ORM2: variants seen among roughly 807,000 people sequenced by gnomAD.
ORM2 encodes orosomucoid 2.
In ORM2, 19 loss-of-function variants were observed where a neutral mutation model predicts 26.8. The ratio of observed to expected loss-of-function variants is 0.71; its 90% CI spans 0.49 to 1.04. The LOEUF is 1.04. Ranked by LOEUF, ORM2 falls within the 50% of genes least tolerant of loss-of-function variation. ORM2 has a pLI of 0.00. For missense variants in ORM2, 259 were observed against 244.9 expected, an observed-to-expected ratio of 1.06 and a Z score of -0.39; for synonymous variants, 94 against 100.0, an observed-to-expected ratio of 0.94 and a Z score of 0.36.
chr9:114,330,411 A>G (rs1829831243), intron 1 of ORM2, 23 bp from the exon 2 acceptor site: 5 of 1,551,754 alleles, frequency 3.2e-6, no homozygotes, highest in Non-Finnish European at 4.4e-6. Flanking sequence ...AGCCCCCATC[A>G]CCAGCTCCCC....
intron 5 of ORM2, among the ~76,000 whole-genome samples, chr9:114,332,522 C>T (rs1447567560): frequency 1.3e-5 from 2 of 152,104 alleles, no homozygotes; most frequent in Non-Finnish European, 2.9e-5. Context: ...AAAATATATA[C>T]ATGCAGTACT....
chr9:114,330,861 C>G lies in ORM2; in HGVS notation c.327C>G (p.Tyr109Ter), dbSNP rs148334624. ...VQRENGTVSR[Y>*]EGGREHVAHL... ...GGGAGAATGGGACCGTCTCCAGATACGGTGAGGGCCAGCCCTCAGGCAGGA... is the reference window on the plus strand; with the variant it reads ...GGGAGAATGGGACCGTCTCCAGATAGGGTGAGGGCCAGCCCTCAGGCAGGA... Residue 109 changes from tyrosine (Y) to a stop codon, truncating the protein, a stop_gained and splice_region_variant, in exon 3 of 6, where the codon TAC becomes TAG. Coordinates refer to ENST00000431067, the MANE Select transcript of ORM2 (RefSeq NM_000608.4). LOFTEE classifies it high-confidence loss of function. 1 of 1,613,336 alleles carries G rather than the reference C, an allele frequency of 6.2e-7. No homozygotes were observed. Among genetic ancestry groups the G allele is most frequent in the Admixed American group, 1.7e-5 (1 of 60,020 alleles).
Position 114,329,992 on chromosome 9 carries a change from C to A in ORM2, c.88C>A (p.Pro30Thr). The change falls in exon 1 of 6, where the codon CCC becomes ACC. Residue 30 changes from proline (P) to threonine (T), a missense_variant. Physicochemically the swap from Pro to Thr is conservative, Grantham distance 38 (BLOSUM62 -1). Around this residue, in one of 2 missense-constraint regions of ORM2, gnomAD observed 251 missense variants for 220.5 expected, o/e 1.14. Coordinates refer to ENST00000431067, the MANE Select transcript of ORM2 (RefSeq NM_000608.4). ...ATTGTGTGCCAACCTAGTACCGGTG[C>A]CCATCACCAACGCCACCCTGGACCG... is the stretch of plus-strand genomic sequence containing the variant. ...IPLCANLVPVPITNATLDRIT... is the reference protein window; with the variant it reads ...IPLCANLVPVTITNATLDRIT... 6.3e-7 allele frequency: 1 copy of A among 1,579,282 alleles called. No homozygotes were observed. Among genetic ancestry groups the A allele is most frequent in the Non-Finnish European group, 8.6e-7 (1 of 1,163,910 alleles).
chr9:114,330,577 G>A lies in ORM2; in HGVS notation c.257+1G>A. ...TCTTTCTCAGAGAGTACCAGACCCG[G>A]TGAGAGCCCCCATTCCAATGCACCC... On this transcript the variant is annotated splice_donor_variant, in intron 2 of 5. Coordinates refer to ENST00000431067, the MANE Select transcript of ORM2 (RefSeq NM_000608.4). LOFTEE classifies it high-confidence loss of function. 6.2e-7 allele frequency: 1 copy of A among 1,612,926 alleles called. No homozygotes were observed. Among genetic ancestry groups the A allele is most frequent in the African/African-American group, 1.4e-5 (1 of 73,968 alleles).
chr9:114,330,454 T>C lies in ORM2; in HGVS notation c.135T>C (p.Tyr45=), dbSNP rs758742975. Residue 45 remains tyrosine (Y), a synonymous_variant, in exon 2 of 6, where the codon TAT becomes TAC. Coordinates refer to ENST00000431067, the MANE Select transcript of ORM2 (RefSeq NM_000608.4). The stretch of plus-strand genomic sequence containing the variant: ...CCCAGATCACTGGCAAGTGGTTTTA[T>C]ATCGCATCGGCCTTTCGAAACGAGG... ...TLDRITGKWF[Y]IASAFRNEEY... 1.3e-5 allele frequency: 21 copies of C among 1,596,812 alleles called. 2 individuals carry two copies. In the South Asian group the frequency reaches 1.3e-4, roughly 10 times the overall value.
At chr9:114,332,850 G>A (rs1475888921) in intron 5 of ORM2, among the ~76,000 whole-genome samples, 1 of 152,196 alleles carries the variant, frequency 6.6e-6, no homozygotes, top group Non-Finnish European at 1.5e-5. Flanking sequence ...TGGTTCTTAA[G>A]GGTCTGAGCT....
Position 114,331,905 on chromosome 9 carries a change from T to G in ORM2, c.516T>G (p.Asp172Glu). Residue 172 changes from aspartate to glutamate, a missense_variant, in exon 5 of 6, where the codon GAT (aspartate) becomes GAG (glutamate). Physicochemically the swap from Asp to Glu is conservative, Grantham distance 45 (BLOSUM62 2). Coordinates refer to ENST00000431067, the MANE Select transcript of ORM2 (RefSeq NM_000608.4). ...ACTGCTTGTGCATTCCCAGGTCAGA[T>G]GTCATGTACACCGACTGGAAAAAGG... ...ALDCLCIPRS[D>E]VMYTDWKKDK... is the part of the protein sequence containing the mutation. 1.2e-6 allele frequency: 2 copies of G among 1,613,856 alleles called. No homozygotes were observed. The highest frequency in any genetic ancestry group is 1.7e-6 in the Non-Finnish European group (2 of 1,179,862).
intron 2 of ORM2, 68 bp from the exon 3 acceptor site, chr9:114,330,724 T>A: frequency 5.6e-6 from 9 of 1,598,966 alleles, no homozygotes; most frequent in Non-Finnish European, 7.7e-6. Flanking sequence ...CCCGGGACTG[T>A]GATGGGCGAT....
At position 114,331,687 on chromosome 9, in the gene ORM2, A is replaced by T. The variant is rs1165996375; in HGVS notation, c.436+13A>T. ...CTGTCTTTCTATGGTAGGCATGCTT[A>T]GCAGCCCCAAACTCATGCCCCTCTC... On this transcript the variant is annotated intron_variant, in intron 4 of 5. Transcript: ENST00000431067. The T allele has an allele frequency of 6.2e-7, 1 of 1,609,288 alleles. No individual in the cohort carries two copies. Among genetic ancestry groups the T allele is most frequent in the African/African-American group, 1.3e-5 (1 of 74,462 alleles).
In ORM2 at chr9:114,331,621, T is replaced by C; in HGVS notation, c.383T>C (p.Leu128Ser). 6.2e-7 allele frequency: 1 copy of C among 1,613,954 alleles called. No homozygotes were observed. Among genetic ancestry groups the C allele is most frequent in the East Asian group, 2.2e-5 (1 of 44,862 alleles). The change falls in exon 4 of 6, where the codon TTG becomes TCG. Residue 128 changes from leucine (L) to serine (S), a missense_variant. Around this residue, in one of 2 missense-constraint regions of ORM2, gnomAD observed 251 missense variants for 220.5 expected, o/e 1.14. Transcript: ENST00000431067. ...CTGTTCCTTAGGGACACCAAGACCT[T>C]GATGTTTGGTTCCTACCTGGACGAT... The part of the protein sequence containing the change: ...HLLFLRDTKT[L>S]MFGSYLDDEK...
In ORM2 at chr9:114,330,896, G is replaced by A. The variant is rs760395032; in HGVS notation, c.328+34G>A. 1.8e-5 allele frequency: 28 copies of A among 1,581,468 alleles called. 1 individual carries two copies. In the East Asian group the frequency reaches 3.4e-4, roughly 19 times the overall value. ...CAGCCCTCAGGCAGGAGGGTTCACC[G>A]TGGGAACAGGGCAGGCCAGCATAAG... On this transcript the variant is annotated intron_variant, in intron 3 of 5. Coordinates refer to ENST00000431067, the MANE Select transcript of ORM2 (RefSeq NM_000608.4).
chr9:114,330,162 C>T, intron 1 of ORM2, 144 bp downstream of exon 1: 1 of 1,418,068 alleles, frequency 7.1e-7, no homozygotes, highest in Non-Finnish European at 9.7e-7. Flanking sequence ...AAATTCTCAC[C>T]AGCCCAGGGG....
chr9:114,331,870 G>A lies in ORM2; in HGVS notation c.481G>A (p.Glu161Lys), dbSNP rs769078483. 9.3e-6 allele frequency: 15 copies of A among 1,613,732 alleles called. No homozygotes were observed. The highest frequency in any genetic ancestry group is 5.3e-5 in the African/African-American group (4 of 74,794). ...TTKEQLGEFY[E>K]ALDCLCIPRS... ...CAAGGAGCAACTGGGAGAGTTCTACGAAGCTCTCGACTGCTTGTGCATTCC... is the reference window on the plus strand; with the variant it reads ...CAAGGAGCAACTGGGAGAGTTCTACAAAGCTCTCGACTGCTTGTGCATTCC... The change falls in exon 5 of 6, where the codon GAA (glutamate) becomes AAA (lysine). Residue 161 changes from glutamate to lysine, a missense_variant. Glu to Lys is a moderately conservative substitution (Grantham distance 56). Around this residue, in one of 2 missense-constraint regions of ORM2, gnomAD observed 251 missense variants for 220.5 expected, o/e 1.14. Coordinates refer to ENST00000431067, the MANE Select transcript of ORM2 (RefSeq NM_000608.4).
chr9:114,330,464 G>A lies in ORM2; in HGVS notation c.145G>A (p.Ala49Thr). Residue 49 changes from alanine (A) to threonine (T), a missense_variant, in exon 2 of 6, where the codon GCC (alanine) becomes ACC (threonine). Around this residue, in one of 2 missense-constraint regions of ORM2, gnomAD observed 251 missense variants for 220.5 expected, o/e 1.14. Coordinates refer to ENST00000431067, the MANE Select transcript of ORM2 (RefSeq NM_000608.4). ...TGGCAAGTGGTTTTATATCGCATCG[G>A]CCTTTCGAAACGAGGAGTACAATAA... ...ITGKWFYIASAFRNEEYNKSV... is the reference protein window; with the variant it reads ...ITGKWFYIASTFRNEEYNKSV... The A allele has an allele frequency of 1.2e-6, 2 of 1,606,626 alleles. No individual in the cohort carries two copies. Among genetic ancestry groups the A allele is most frequent in the Non-Finnish European group, 1.7e-6 (2 of 1,177,516 alleles).
chr9:114,330,684 G>A, intron 2 of ORM2, 108 bp downstream of exon 2: 1 of 1,601,896 alleles, frequency 6.2e-7, no homozygotes, highest in Non-Finnish European at 8.5e-7. Context: ...GAACCGGGAG[G>A]GTTGGCTTTA....
At chr9:114,332,445 G>A (rs1289666840) in intron 5 of ORM2, among the ~76,000 whole-genome samples, 1 of 152,134 alleles carries the variant, frequency 6.6e-6, no homozygotes, top group Non-Finnish European at 1.5e-5. Flanking sequence ...TGGAAGACTT[G>A]TGTTGGTGTG....
chr9:114,332,099 G>A (rs1829863542), intron 5 of ORM2, among the ~76,000 whole-genome samples, 170 bp downstream of exon 5: 2 of 151,704 alleles, frequency 1.3e-5, no homozygotes, highest in African/African-American at 4.9e-5. Flanking sequence ...AGGCCCAGGG[G>A]TGGTGGATGA....
chr9:114,331,051 A>C (rs1474463373), intron 3 of ORM2, among the ~76,000 whole-genome samples, 189 bp downstream of exon 3: 1 of 152,116 alleles, frequency 6.6e-6, no homozygotes, highest in Non-Finnish European at 1.5e-5. Context: ...AGGAAACATA[A>C]GAACAGAGAC....
At chr9:114,331,003 A>C in intron 3 of ORM2, 141 bp downstream of exon 3, 1 of 660,840 alleles carries the variant, frequency 1.5e-6, no homozygotes, top group Non-Finnish European at 2.7e-6. Flanking sequence ...CCACGTGCTC[A>C]GAAAAAATCC....
Sources: allele counts gnomAD v4.1 joint callset (sites outside exome capture counted in the v4.1 genomes callset), GRCh38; gene constraint gnomAD v4.1.1; regional missense constraint gnomAD v4.1.1; transcripts MANE v1.5; gene names NCBI Gene and HGNC (gene_info 2026-07-23, HGNC 2026-07-21).